SSMEM1: variants seen among roughly 807,000 people sequenced by gnomAD.
SSMEM1 encodes serine rich single-pass membrane protein 1.
A neutral mutation model predicts 9.9 loss-of-function variants in SSMEM1; 12 were observed. The ratio of observed to expected loss-of-function variants is 1.21; its 90% CI spans 0.78 to 1.96. The LOEUF is 1.96. Ranked by LOEUF, SSMEM1 falls within the 30% of genes most tolerant of loss-of-function variation. The pLI is 0.00. For missense variants in SSMEM1, 259 were observed against 292.2 expected (o/e 0.89, Z 0.83); for synonymous variants, 96 against 98.9 (o/e 0.97, Z 0.17).
rs111931380 is a variant in SSMEM1, at chr7:130,207,939, A to T, written c.29A>T (p.Glu10Val). 1.2e-6 allele frequency: 2 copies of T among 1,613,464 alleles called. No homozygotes were observed. Among genetic ancestry groups the T allele is most frequent in the Non-Finnish European group, 1.7e-6 (2 of 1,179,846 alleles). Residue 10 changes from glutamate (E) to valine (V), a missense_variant, in exon 1 of 3, where the codon GAG (glutamate) becomes GTG (valine). Physicochemically the swap from Glu to Val is moderately radical, Grantham distance 121 (BLOSUM62 -2). Coordinates refer to ENST00000297819, the MANE Select transcript of SSMEM1 (RefSeq NM_145268.4). Reference protein sequence around the residue: MGDLFSLFWEVDPPPIPVNC... With the variant: MGDLFSLFWVVDPPPIPVNC... ...GGAGACCTTTTTTCCTTATTTTGGG[A>T]GGTAGATCCTCCCCCAATACCTGTA...
chr7:130,214,496 G>A (rs1798666435), intron 2 of SSMEM1, among the ~76,000 whole-genome samples: 1 of 152,024 alleles, frequency 6.6e-6, no homozygotes, highest in African/African-American at 2.4e-5. Flanking sequence ...TACTCCTTAT[G>A]GCCAATTTCA....
At chr7:130,214,627 A>T (rs1798668717) in intron 2 of SSMEM1, among the ~76,000 whole-genome samples, 1 of 152,128 alleles carries the variant, frequency 6.6e-6, no homozygotes. Context: ...ATTTTCCTCT[A>T]AGTTAAGGAG....
chr7:130,211,140 C>T (rs1584712163), intron 1 of SSMEM1, among the ~76,000 whole-genome samples: 1 of 148,146 alleles, frequency 6.8e-6, no homozygotes, highest in Non-Finnish European at 1.5e-5. Flanking sequence ...CTTCCAAAAG[C>T]ATTTTTTATA....
intron 1 of SSMEM1, among the ~76,000 whole-genome samples, chr7:130,211,816 A>G (rs987632388): frequency 3.3e-5 from 5 of 152,184 alleles, no homozygotes; most frequent in South Asian, 2.1e-4. Flanking sequence ...CTCAAGCTGT[A>G]TATACAAATT....
In SSMEM1 at chr7:130,216,636, C is replaced by CA. The variant is rs112472183; in HGVS notation, c.*177dup. On this transcript the variant is annotated 3_prime_UTR_variant, in exon 3 of 3. Transcript: ENST00000297819. ...GTAAAATCTCACACAATTCTTCGTT[C>CA]AAAAAAAAAAAGGCCATCACGTGTT... 11,549 of 587,364 alleles carry CA rather than the reference C, an allele frequency of 0.02. 2 individuals carry two copies. Among genetic ancestry groups the CA allele is most frequent in the South Asian group, 0.027 (925 of 33,800 alleles). 36.4% of individuals were successfully genotyped at this position (587,364 alleles called of 1,614,324 possible).
intron 2 of SSMEM1, among the ~76,000 whole-genome samples, chr7:130,214,893 G>A (rs1041031368): frequency 6.6e-6 from 1 of 152,242 alleles, no homozygotes; most frequent in Non-Finnish European, 1.5e-5. Context: ...AAGCCCTGAT[G>A]TTTAGTGTCT....
rs756675106 is a variant in SSMEM1 at position 130,207,919 on chromosome 7, C to T, written c.9C>T (p.Asp3=). ...CTGAGCAAGGAGTCATCATGGGAGACCTTTTTTCCTTATTTTGGGAGGTAG... is the reference window on the plus strand; with the variant it reads ...CTGAGCAAGGAGTCATCATGGGAGATCTTTTTTCCTTATTTTGGGAGGTAG... The part of the protein sequence containing the change: MG[D]LFSLFWEVDP... Residue 3 remains aspartate (D), a synonymous_variant, in exon 1 of 3, where the codon GAC becomes GAT. Transcript: ENST00000297819. 5 of 1,613,524 alleles carry T rather than the reference C, an allele frequency of 3.1e-6. No homozygotes were observed. The highest frequency in any genetic ancestry group is 4.2e-6 in the Non-Finnish European group (5 of 1,179,802).
chr7:130,213,217 G>A (rs1373307515), intron 1 of SSMEM1, among the ~76,000 whole-genome samples: 10 of 151,738 alleles, frequency 6.6e-5, no homozygotes, highest in African/African-American at 1.5e-4. Context: ...GCGTGGTAGC[G>A]GGCACCTGTA....
chr7:130,213,547 G>T lies in SSMEM1; in HGVS notation c.238+13G>T, dbSNP rs759628536. ...TCAGTAAGGAAAGGTGAGAACCAGT[G>T]CATATTTGGTGTTGGACTATGAGGG... is the stretch of plus-strand genomic sequence containing the variant. On this transcript the variant is annotated intron_variant, in intron 2 of 2. Coordinates refer to ENST00000297819, the MANE Select transcript of SSMEM1 (RefSeq NM_145268.4). 4 of 1,610,158 alleles carry T rather than the reference G, an allele frequency of 2.5e-6. No homozygotes were observed. Among genetic ancestry groups the T allele is most frequent in the Non-Finnish European group, 2.5e-6 (3 of 1,177,516 alleles).
upstream of SSMEM1, chr7:130,205,552 A>C: frequency 1.0e-6 from 1 of 973,252 alleles, no homozygotes; most frequent in South Asian, 1.4e-5. Flanking sequence ...CCAGGGAAAC[A>C]GGTCTCGGTT....
At chr7:130,211,324 ATT>A (rs905324983) in intron 1 of SSMEM1, among the ~76,000 whole-genome samples, 28 of 151,486 alleles carry the variant, frequency 1.8e-4, no homozygotes, top group African/African-American at 6.8e-4. Flanking sequence ...CACCCGGCTA[ATT>A]TTTTTTGTAT....
intron 1 of SSMEM1, 50 bp downstream of exon 1, chr7:130,208,143 A>G (rs990590212): frequency 2.7e-6 from 4 of 1,490,732 alleles, no homozygotes; most frequent in Admixed American, 2.4e-5. Flanking sequence ...GTACACTAGG[A>G]AAATTTCCAT....
intron 2 of SSMEM1, among the ~76,000 whole-genome samples, chr7:130,215,388 T>A (rs575006976): frequency 5.3e-4 from 81 of 152,248 alleles, no homozygotes; most frequent in African/African-American, 1.8e-3. Flanking sequence ...GAAGAGCACA[T>A]AGCATAAACA....
At chr7:130,209,796 T>C (rs1280620174) in intron 1 of SSMEM1, among the ~76,000 whole-genome samples, 1 of 152,216 alleles carries the variant, frequency 6.6e-6, no homozygotes, top group African/African-American at 2.4e-5. Context: ...GCCAGGCTGG[T>C]GTCGAACTCC....
chr7:130,206,173 CT>C (rs1284139934), upstream of SSMEM1, among the ~76,000 whole-genome samples: 1 of 152,206 alleles, frequency 6.6e-6, no homozygotes, highest in African/African-American at 2.4e-5. Context: ...GCACAAATAC[CT>C]ACAAGTGTGC....
At chr7:130,215,290 C>T (rs553273118) in intron 2 of SSMEM1, among the ~76,000 whole-genome samples, 12 of 151,976 alleles carry the variant, frequency 7.9e-5, no homozygotes, top group African/African-American at 1.4e-4. Flanking sequence ...GGCAACAGAG[C>T]GAGACTCCAT....
chr7:130,213,880 C>T (rs1002982330), intron 2 of SSMEM1, among the ~76,000 whole-genome samples: 4 of 152,094 alleles, frequency 2.6e-5, no homozygotes, highest in African/African-American at 9.7e-5. Context: ...TTTGGACTCC[C>T]TAGTGCAGAG....
chr7:130,212,309 A>G (rs1798606069), intron 1 of SSMEM1, among the ~76,000 whole-genome samples: 1 of 152,194 alleles, frequency 6.6e-6, no homozygotes, highest in African/African-American at 2.4e-5. Flanking sequence ...TTTGGAGGAA[A>G]CTTTCGGAGG....
At chr7:130,210,321 C>T (rs1798568631) in intron 1 of SSMEM1, among the ~76,000 whole-genome samples, 2 of 152,130 alleles carry the variant, frequency 1.3e-5, no homozygotes, top group Admixed American at 1.3e-4. Context: ...GGAATTTTTC[C>T]TTCACTTTGA....
Sources: allele counts gnomAD v4.1 joint callset (sites outside exome capture counted in the v4.1 genomes callset), GRCh38; gene constraint gnomAD v4.1.1; transcripts MANE v1.5; gene names NCBI Gene and HGNC (gene_info 2026-07-23, HGNC 2026-07-21).